NCOR1: variants seen among roughly 807,000 people sequenced by gnomAD.
NCOR1 encodes protein phosphatase 1, regulatory subunit 109.
Under a neutral mutation model 288.1 loss-of-function variants are expected in NCOR1, and 63 were observed. The ratio of observed to expected loss-of-function variants is 0.22; its 90% confidence interval spans 0.18 to 0.27. NCOR1 has a LOEUF of 0.27. NCOR1 is among the 10% of genes least tolerant of loss of function. The pLI is 1.00. For missense variants in NCOR1, 2,397 were observed against 3,019.2 expected (o/e 0.79, Z 4.83); for synonymous variants, 1,007 against 1,065.9 (o/e 0.94, Z 1.08).
At position 16,039,611 on chromosome 17, in the gene NCOR1, A is replaced by G. The variant is rs771721292; in HGVS notation, c.6777T>C (p.Ser2259=). 106 of 1,614,032 alleles carry G rather than the reference A, an allele frequency of 6.6e-5. No homozygotes were observed. In the South Asian group the frequency reaches 1.1e-3, roughly 17 times the overall value. The change falls in exon 44 of 46, where the codon AGT becomes AGC. Residue 2259 remains serine, a synonymous_variant. Coordinates refer to ENST00000268712, the MANE Select transcript of NCOR1 (RefSeq NM_006311.4). ...TGATAATGTCTTCCAGCCCAAGATT[A>G]CTGGCAGGATCAGCAAAAGAATGGC... The part of the protein sequence containing the change: ...SRGHSFADPA[S]NLGLEDIIRK...
intron 21 of NCOR1, among the ~76,000 whole-genome samples, chr17:16,097,441 A>C (rs2066843389): frequency 6.6e-6 from 1 of 152,152 alleles, no homozygotes; most frequent in South Asian, 2.1e-4. Context: ...CTCCAGGGAG[A>C]GGAGAGGGGC....
intron 40 of NCOR1, among the ~76,000 whole-genome samples, chr17:16,054,727 C>G (rs1006204119): frequency 1.3e-5 from 2 of 152,096 alleles, no homozygotes; most frequent in Admixed American, 1.3e-4. Flanking sequence ...GTCAGGAGTT[C>G]GAGACCAGCC....
chr17:16,139,672 T>C (rs1207959372), intron 11 of NCOR1, among the ~76,000 whole-genome samples: 1 of 152,196 alleles, frequency 6.6e-6, no homozygotes, highest in Non-Finnish European at 1.5e-5. Context: ...TTAAACTCAC[T>C]TTACTATTAA....
intron 21 of NCOR1, among the ~76,000 whole-genome samples, chr17:16,092,693 A>T (rs1197845058): frequency 0.24 from 3,096 of 12,710 alleles, 354 homozygotes; most frequent in South Asian, 0.34. Context: ...ATATATATAT[A>T]TATTTTTTTT....
intron 3 of NCOR1, among the ~76,000 whole-genome samples, chr17:16,180,837 A>G (rs1435909865): frequency 6.6e-6 from 1 of 151,988 alleles, no homozygotes; most frequent in Non-Finnish European, 1.5e-5. Flanking sequence ...GAAACAACCT[A>G]GATGCCCACT....
chr17:16,203,040 TACACACAC>T (rs57228948), intron 1 of NCOR1, among the ~76,000 whole-genome samples: 1,730 of 147,050 alleles, frequency 0.012, 22 homozygotes, highest in Middle Eastern at 0.028. Context: ...AGCTGTTCCT[TACACACAC>T]ACACACACAC....
intron 5 of NCOR1, among the ~76,000 whole-genome samples, chr17:16,159,505 C>T (rs142875820): frequency 6.6e-6 from 1 of 151,098 alleles, no homozygotes; most frequent in Non-Finnish European, 1.5e-5. Context: ...ACTCTACATA[C>T]CTCTATCACA....
rs749822932 is a variant in NCOR1 at position 16,091,980 on chromosome 17, T to C, written c.2899A>G (p.Met967Val). The C allele has an allele frequency of 1.4e-5, 22 of 1,614,130 alleles. No individual in the cohort carries two copies. Among genetic ancestry groups the C allele is most frequent in the Middle Eastern group, 1.6e-4 (1 of 6,084 alleles). Residue 967 changes from methionine (M) to valine (V), a missense_variant, in exon 22 of 46, where the codon ATG becomes GTG. By Grantham distance (21) the Met-to-Val change is conservative. Transcript: ENST00000268712. Reference protein sequence around the residue: ...YALYQRHIKAMHESALLEEQR... With the variant: ...YALYQRHIKAVHESALLEEQR... ...TCCTCCAGGAGTGCTGACTCATGCA[T>C]TGCTTTAATGTGTCGCTGGTAGAGA...
At chr17:16,056,505 G>A (rs866041585) in intron 40 of NCOR1, among the ~76,000 whole-genome samples, 12 of 151,422 alleles carry the variant, frequency 7.9e-5, no homozygotes, top group African/African-American at 2.4e-4. Context: ...TTGTAGAGAC[G>A]GGGTTTCACC....
chr17:16,212,045 A>T (rs1186244904), intron 1 of NCOR1, among the ~76,000 whole-genome samples: 1 of 152,144 alleles, frequency 6.6e-6, no homozygotes, highest in African/African-American at 2.4e-5. Context: ...TGGGAGGCCA[A>T]GGCGGGTAGA....
chr17:16,208,456 T>C (rs2091811638), intron 1 of NCOR1, among the ~76,000 whole-genome samples: 3 of 152,082 alleles, frequency 2.0e-5, no homozygotes, highest in African/African-American at 7.2e-5. Flanking sequence ...ATTCTAATAT[T>C]ATCTAGAACC....
intron 16 of NCOR1, among the ~76,000 whole-genome samples, chr17:16,120,066 G>C (rs767359077): frequency 6.6e-5 from 10 of 152,138 alleles, no homozygotes; most frequent in African/African-American, 9.7e-5. Context: ...TCAATTTATA[G>C]TACCAGCATT....
At chr17:16,150,514 T>C (rs913993257) in intron 8 of NCOR1, among the ~76,000 whole-genome samples, 8 of 152,070 alleles carry the variant, frequency 5.3e-5, no homozygotes, top group Non-Finnish European at 8.8e-5. Context: ...CAAATGACAA[T>C]CAACAAATAC....
At chr17:16,109,626 T>C (rs2069561729) in intron 18 of NCOR1, among the ~76,000 whole-genome samples, 2 of 152,232 alleles carry the variant, frequency 1.3e-5, no homozygotes, top group Admixed American at 6.5e-5. Flanking sequence ...TTTCAATTTT[T>C]GGTATAAATA....
rs574839441 is a variant in NCOR1 at position 16,185,618 on chromosome 17, G to A, written c.242+936C>T. On this transcript the variant is annotated intron_variant, in intron 3 of 45. Transcript: ENST00000268712. Reference sequence around the variant, plus strand: ...GAATCACTTGAACCCTGGAGACGGAGGTTGCAGTGAGCTGAGATCATGCCA... The same window carrying A: ...GAATCACTTGAACCCTGGAGACGGAAGTTGCAGTGAGCTGAGATCATGCCA... 3.1e-4 allele frequency among the ~76,000 whole-genome samples: 44 copies of A among 141,490 alleles called. 1 individual carries two copies. In the South Asian group the frequency reaches 9.6e-3, roughly 31 times the overall value. The allele number at this position is 141,490 out of a possible 152,430, so 92.8% of individuals were successfully genotyped here. A position where few individuals can be genotyped will look rare whatever the true frequency, so the allele number is the denominator to read the frequency against.
At chr17:16,090,557 C>T (rs1414337364) in intron 22 of NCOR1, among the ~76,000 whole-genome samples, 1 of 152,084 alleles carries the variant, frequency 6.6e-6, no homozygotes, top group African/African-American at 2.4e-5. Context: ...ACAGAACTAG[C>T]GATTAAGAAT....
intron 1 of NCOR1, chr17:16,198,684 C>CCATT (rs2090291945): frequency 6.6e-6 from 1 of 151,964 alleles, no homozygotes; most frequent in Non-Finnish European, 1.5e-5. Context: ...CGAGATCGTG[C>CCATT]CATTGCACTC....
intron 3 of NCOR1, among the ~76,000 whole-genome samples, chr17:16,176,425 C>T (rs930310403): frequency 1.3e-5 from 2 of 151,916 alleles, no homozygotes; most frequent in Non-Finnish European, 2.9e-5. Flanking sequence ...TGCGCCACCA[C>T]TCCCAGTTAA....
At chr17:16,212,735 G>A (rs1042746834) in intron 1 of NCOR1, among the ~76,000 whole-genome samples, 2 of 152,174 alleles carry the variant, frequency 1.3e-5, no homozygotes, top group African/African-American at 2.4e-5. Context: ...AGATAACAAA[G>A]GTAAGAAAAG....
Sources: gnomAD v4.1 joint callset for allele counts (sites outside exome capture counted in the v4.1 genomes callset) on GRCh38, gnomAD v4.1.1 for gene constraint, MANE v1.5 for transcripts, NCBI Gene and HGNC (gene_info 2026-07-23, HGNC 2026-07-21) for gene names.